TLE4: variants seen among roughly 807,000 people sequenced by gnomAD.
TLE4 encodes the protein TLE family member 4, transcriptional corepressor, also known as transducin-like enhancer protein 4.
In TLE4, 8 loss-of-function variants were observed where a neutral mutation model predicts 92.8. That is an observed-to-expected ratio of 0.09 (90% CI 0.05 to 0.16). The LOEUF is 0.16. TLE4 is among the 10% of genes least tolerant of loss of function. TLE4 has a pLI of 1.00. For synonymous variants in TLE4, 371 were observed against 374.1 expected (o/e 0.99, Z 0.10); for missense variants, 675 against 997.6 (o/e 0.68, Z 4.36).
At chr9:79,658,982 T>C (rs1339159286) in intron 8 of TLE4, among the ~76,000 whole-genome samples, 2 of 152,136 alleles carry the variant, frequency 1.3e-5, no homozygotes, top group Non-Finnish European at 2.9e-5. Flanking sequence ...CACTGTAACC[T>C]AGGGAAAAAT....
At chr9:79,659,538 G>C (rs1255869503) in intron 8 of TLE4, among the ~76,000 whole-genome samples, 1 of 151,912 alleles carries the variant, frequency 6.6e-6, no homozygotes, top group Non-Finnish European at 1.5e-5. Flanking sequence ...GATTCGAATA[G>C]GATTCATTTT....
chr9:79,643,206 C>T (rs2057502083), intron 6 of TLE4, among the ~76,000 whole-genome samples: 1 of 152,174 alleles, frequency 6.6e-6, no homozygotes, highest in African/African-American at 2.4e-5. Context: ...AACGTATCGT[C>T]ACTTTTGTTT....
At chr9:79,575,421 A>T (rs375397552) in intron 3 of TLE4, among the ~76,000 whole-genome samples, 7 of 152,044 alleles carry the variant, frequency 4.6e-5, no homozygotes, top group South Asian at 4.2e-4. Context: ...CATTTTTCAA[A>T]TTTTTTTCTC....
intron 5 of TLE4, among the ~76,000 whole-genome samples, chr9:79,621,999 G>A (rs2051135696): frequency 6.6e-6 from 1 of 152,112 alleles, no homozygotes; most frequent in African/African-American, 2.4e-5. Context: ...ACTTTTCCCA[G>A]ATCCATCTTA....
At chr9:79,666,795 C>A (rs1164041915) in intron 8 of TLE4, among the ~76,000 whole-genome samples, 1 of 152,192 alleles carries the variant, frequency 6.6e-6, no homozygotes, top group African/African-American at 2.4e-5. Flanking sequence ...TTGGTGATTG[C>A]AGTGGCTTCA....
chr9:79,688,988 T>C (rs1467035767), intron 8 of TLE4, among the ~76,000 whole-genome samples: 2 of 152,078 alleles, frequency 1.3e-5, no homozygotes, highest in Non-Finnish European at 2.9e-5. Context: ...TCTTCTGTAA[T>C]GTGTTGATGA....
Position 79,611,916 on chromosome 9 carries a change from G to C in TLE4, c.253-740G>C, listed in dbSNP as rs570814135. On this transcript the variant is annotated intron_variant, in intron 4 of 19. Coordinates refer to ENST00000376552, the MANE Select transcript of TLE4 (RefSeq NM_007005.6). ...AATAGACTGTTCTTTGACATTGTTGGGACTTTTGCATATCCACAGTAAAAA... is the reference window on the plus strand; with the variant it reads ...AATAGACTGTTCTTTGACATTGTTGCGACTTTTGCATATCCACAGTAAAAA... Among the ~76,000 whole-genome samples, 18 of 148,110 alleles carry C rather than the reference G, an allele frequency of 1.2e-4. No homozygotes were observed. The South Asian group carries it at 3.8e-3, about 31-fold the overall frequency.
chr9:79,661,804 T>C (rs1564727089), intron 8 of TLE4, among the ~76,000 whole-genome samples: 1 of 152,224 alleles, frequency 6.6e-6, no homozygotes, highest in South Asian at 2.1e-4. Flanking sequence ...TATTTTTGTA[T>C]GTAATAAATT....
Position 79,572,893 on chromosome 9 carries a change from C to T in TLE4, c.45+58C>T, listed in dbSNP as rs560466052. On this transcript the variant is annotated intron_variant, in intron 1 of 19. Transcript: ENST00000376552. ...GGTGCTGGGGGATTCCCCGCGTCGC[C>T]CCCTGCGCACCGAGTTGTGTCTTTT... 2,435 of 1,540,616 alleles carry T rather than the reference C, an allele frequency of 1.6e-3. 8 individuals carry two copies. Among genetic ancestry groups the T allele is most frequent in the Middle Eastern group, 0.014 (79 of 5,846 alleles).
intron 8 of TLE4, among the ~76,000 whole-genome samples, chr9:79,693,474 C>G (rs1230668521): frequency 2.6e-5 from 4 of 152,100 alleles, no homozygotes; most frequent in Non-Finnish European, 4.4e-5. Context: ...CTTGCTTGTA[C>G]GCATTAGGTT....
At position 79,726,693 on chromosome 9, in the gene TLE4, ATTGT is replaced by A. The variant is rs565205120; in HGVS notation, c.*1554_*1557del. ...ACCACCAGTACTTCTATAATGGTAG[ATTGT>A]TTGTGAATTCAGACTTTTAAGCATT... is the stretch of plus-strand genomic sequence containing the variant. On this transcript the variant is annotated 3_prime_UTR_variant, in exon 20 of 20. Transcript: ENST00000376552. 1.3e-5 allele frequency: 2 copies of A among 152,646 alleles called. No homozygotes were observed. Among genetic ancestry groups the A allele is most frequent in the Admixed American group, 1.3e-4 (2 of 15,278 alleles). The allele number at this position is 152,646 out of a possible 1,614,324, so 9.5% of individuals were successfully genotyped here. A position where few individuals can be genotyped will look rare whatever the true frequency, so the allele number is the denominator to read the frequency against.
At chr9:79,580,683 A>G (rs2039399621) in intron 4 of TLE4, among the ~76,000 whole-genome samples, 1 of 151,376 alleles carries the variant, frequency 6.6e-6, no homozygotes, top group African/African-American at 2.4e-5. Flanking sequence ...GTATGGAGGC[A>G]CAAATGTGTC....
At chr9:79,623,215 T>C (rs2051504962) in intron 5 of TLE4, among the ~76,000 whole-genome samples, 1 of 152,068 alleles carries the variant, frequency 6.6e-6, no homozygotes, top group South Asian at 2.1e-4. Context: ...TTTTTTTTAA[T>C]TCTGAGGTGT....
At chr9:79,605,738 TGTATCTTGTTA>T (rs2046689779) in intron 4 of TLE4, among the ~76,000 whole-genome samples, 1 of 152,158 alleles carries the variant, frequency 6.6e-6, no homozygotes, top group African/African-American at 2.4e-5. Flanking sequence ...AGTAGCCCCA[TGTATCTTGTTA>T]GGACAAATAA....
At chr9:79,658,822 A>AG (rs2060120604) in intron 8 of TLE4, among the ~76,000 whole-genome samples, 1 of 152,244 alleles carries the variant, frequency 6.6e-6, no homozygotes, top group Non-Finnish European at 1.5e-5. Flanking sequence ...TAGATTAAAA[A>AG]GGGGAAATCA....
In TLE4 at chr9:79,593,204, C is replaced by CA. The variant is rs919083179; in HGVS notation, c.252+17036dup. The stretch of plus-strand genomic sequence containing the variant: ...GTGGCATAAAGCCACAGATCCATTC[C>CA]AAAAAAAAACGAAAACCGAAATGTG... On this transcript the variant is annotated intron_variant, in intron 4 of 19. Coordinates refer to ENST00000376552, the MANE Select transcript of TLE4 (RefSeq NM_007005.6). Among the ~76,000 whole-genome samples the CA allele has an allele frequency of 2.3e-4, 34 of 148,026 alleles. 1 individual carries two copies. The highest frequency in any genetic ancestry group is 1.1e-3 in the South Asian group (5 of 4,596).
intron 4 of TLE4, among the ~76,000 whole-genome samples, chr9:79,606,189 T>TGG (rs1564329290): frequency 1.6e-5 from 1 of 60,970 alleles, no homozygotes; most frequent in Non-Finnish European, 3.0e-5. Context: ...TAGTAGTTGT[T>TGG]TTTTTTTTTT....
At chr9:79,614,498 G>T (rs2049050159) in intron 5 of TLE4, among the ~76,000 whole-genome samples, 1 of 152,126 alleles carries the variant, frequency 6.6e-6, no homozygotes. Context: ...GAGCAAGACT[G>T]GACTGAAATT....
At chr9:79,673,153 A>G (rs540766500) in intron 8 of TLE4, among the ~76,000 whole-genome samples, 1 of 152,322 alleles carries the variant, frequency 6.6e-6, no homozygotes, top group South Asian at 2.1e-4. Flanking sequence ...AATATTCAGA[A>G]TAAATATCAG....
Sources: allele counts gnomAD v4.1 joint callset (sites outside exome capture counted in the v4.1 genomes callset), GRCh38; gene constraint gnomAD v4.1.1; transcripts MANE v1.5; gene names NCBI Gene and HGNC (gene_info 2026-07-23, HGNC 2026-07-21).